LUC7L2: variants seen among roughly 807,000 people sequenced by gnomAD.
The protein encoded by LUC7L2 is LUC7 like 2, pre-mRNA splicing factor.
In LUC7L2, 25 loss-of-function variants were observed where a neutral mutation model predicts 52.8. The observed-to-expected ratio is 0.47, with a 90% CI of 0.34 to 0.66. The LOEUF (loss-of-function observed/expected upper bound fraction) is 0.66. LUC7L2 is among the 30% of genes least tolerant of loss of function. The probability of loss-of-function intolerance (pLI) is 0.01; values close to 1 mark genes in which losing one functional copy is unlikely to be tolerated. For missense variants in LUC7L2, 328 were observed against 497.8 expected, an observed-to-expected ratio of 0.66 and a Z score of 3.25; for synonymous variants, 144 against 160.9, an observed-to-expected ratio of 0.89 and a Z score of 0.80.
Position 139,391,609 on chromosome 7 carries a change from G to T in LUC7L2, c.157-6990G>T, listed in dbSNP as rs536381655. On this transcript the variant is annotated intron_variant, in intron 2 of 9. Transcript: ENST00000354926. ...TGGCTTCTTTTTTTTTGGTGGGGGG[G>T]ACAGGGTCTCAGTCTGTCACCCAGG... is the stretch of plus-strand genomic sequence containing the variant. 2.0e-5 allele frequency among the ~76,000 whole-genome samples: 3 copies of T among 151,878 alleles called. No homozygotes were observed. In the South Asian group the frequency reaches 6.2e-4, roughly 32 times the overall value.
At chr7:139,420,815 T>TTGAGA (rs1795869631) in intron 9 of LUC7L2, among the ~76,000 whole-genome samples, 1 of 152,126 alleles carries the variant, frequency 6.6e-6, no homozygotes, top group Admixed American at 6.5e-5. Context: ...TTTGTTGTTG[T>TTGAGA]TGAGATGGAG....
intron 1 of LUC7L2, among the ~76,000 whole-genome samples, chr7:139,350,185 G>C (rs1032497850): frequency 6.6e-6 from 1 of 151,730 alleles, no homozygotes; most frequent in Non-Finnish European, 1.5e-5. Context: ...GCAGTGGCGC[G>C]ATCTCTGCTC....
intron 1 of LUC7L2, chr7:139,371,494 G>A (rs1468376655): frequency 6.5e-6 from 9 of 1,374,952 alleles, no homozygotes; most frequent in Non-Finnish European, 7.7e-6. Flanking sequence ...TTTTAAAATA[G>A]CACCTAAATC....
chr7:139,372,157 A>G (rs1310751972), intron 1 of LUC7L2, among the ~76,000 whole-genome samples: 1 of 152,186 alleles, frequency 6.6e-6, no homozygotes, highest in African/African-American at 2.4e-5. Flanking sequence ...AGGTTATAGG[A>G]CAGAGAGATC....
Position 139,417,533 on chromosome 7 carries a change from G to A in LUC7L2, c.810-5G>A. 1 of 1,607,450 alleles carries A rather than the reference G, an allele frequency of 6.2e-7. No individual in the cohort carries two copies. ...GTAGAAACAAAATCAAATCTTGTCT[G>A]GTAGATCCAGGTCCAGAGAGCATCG... On this transcript the variant is annotated splice_region_variant and splice_polypyrimidine_tract_variant and intron_variant, in intron 8 of 9. Transcript: ENST00000354926.
At chr7:139,405,555 C>A in intron 4 of LUC7L2, 89 bp from the exon 5 acceptor site, 1 of 1,440,384 alleles carries the variant, frequency 6.9e-7, no homozygotes, top group Non-Finnish European at 9.2e-7. Flanking sequence ...CCTTAGATAA[C>A]AAGTTTTTTC....
upstream of LUC7L2, chr7:139,359,421 A>C: frequency 6.1e-6 from 1 of 163,992 alleles, no homozygotes; most frequent in Non-Finnish European, 1.3e-5. Context: ...CGGCGGCGAG[A>C]CAGGCCTGCT....
intron 1 of LUC7L2, among the ~76,000 whole-genome samples, chr7:139,370,009 G>A (rs746375615): frequency 2.0e-5 from 3 of 151,746 alleles, no homozygotes; most frequent in Non-Finnish European, 4.4e-5. Context: ...GTTTTTTCCC[G>A]TTGCCATCTT....
intron 1 of LUC7L2, chr7:139,374,719 G>A: frequency 7.7e-7 from 1 of 1,300,996 alleles, no homozygotes; most frequent in Non-Finnish European, 9.8e-7. Context: ...TACCCTGGTT[G>A]CAAATTAGAA....
intron 8 of LUC7L2, 174 bp downstream of exon 8, chr7:139,412,754 G>A: frequency 1.5e-6 from 1 of 649,314 alleles, no homozygotes; most frequent in Non-Finnish European, 2.3e-6. Context: ...GAAGCCGGGA[G>A]GCAGAGGTTG....
intron 1 of LUC7L2, among the ~76,000 whole-genome samples, chr7:139,367,438 A>G (rs116591076): frequency 0.011 from 1,636 of 152,358 alleles, 33 homozygotes; most frequent in African/African-American, 0.038. Context: ...CTTGTCACTT[A>G]GGGTTCCTGT....
At position 139,408,243 on chromosome 7, in the gene LUC7L2, A is replaced by T. The variant is rs891442495; in HGVS notation, c.687+893A>T. Among the ~76,000 whole-genome samples, 5 of 152,312 alleles carry T rather than the reference A, an allele frequency of 3.3e-5. 2 individuals carry two copies. In the South Asian group the frequency reaches 1.0e-3, roughly 32 times the overall value. ...CTAGGGTGATCTCAAGTAATTTTTT[A>T]AAAATTTCGAAAAGAGTCACTATAG... On this transcript the variant is annotated intron_variant, in intron 6 of 9. Transcript: ENST00000354926.
At chr7:139,371,867 G>C (rs1249277157) in intron 1 of LUC7L2, among the ~76,000 whole-genome samples, 1 of 152,186 alleles carries the variant, frequency 6.6e-6, no homozygotes, top group Non-Finnish European at 1.5e-5. Flanking sequence ...ATTGGTGACA[G>C]ACCTGGAGAT....
intron 1 of LUC7L2, among the ~76,000 whole-genome samples, chr7:139,352,229 C>T (rs955812028): frequency 2.0e-5 from 3 of 150,862 alleles, no homozygotes; most frequent in Admixed American, 2.0e-4. Flanking sequence ...GTGGTCCACA[C>T]CTTTAATCCC....
intron 2 of LUC7L2, among the ~76,000 whole-genome samples, chr7:139,383,361 G>A (rs889457149): frequency 2.0e-5 from 3 of 151,754 alleles, no homozygotes; most frequent in Non-Finnish European, 2.9e-5. Context: ...CAGGTGATCC[G>A]CCCATCTCGG....
At chr7:139,376,623 T>C (rs886776349) in intron 2 of LUC7L2, among the ~76,000 whole-genome samples, 10 of 152,296 alleles carry the variant, frequency 6.6e-5, no homozygotes, top group Admixed American at 1.3e-4. Flanking sequence ...AAAATATTGC[T>C]CCTGCTAATA....
chr7:139,350,083 G>T (rs1414483543), intron 1 of LUC7L2, among the ~76,000 whole-genome samples: 1 of 152,002 alleles, frequency 6.6e-6, no homozygotes, highest in African/African-American at 2.4e-5. Context: ...GTCTTTTGAG[G>T]CAGCTTCTTT....
intron 2 of LUC7L2, among the ~76,000 whole-genome samples, chr7:139,393,501 G>T (rs959582239): frequency 6.6e-6 from 1 of 152,152 alleles, no homozygotes; most frequent in South Asian, 2.1e-4. Flanking sequence ...TCCCGGGCTG[G>T]AGTGCACGAT....
intron 8 of LUC7L2, 114 bp downstream of exon 8, chr7:139,412,694 G>A (rs1327594506): frequency 2.4e-6 from 3 of 1,259,092 alleles, no homozygotes; most frequent in Admixed American, 2.5e-5. Context: ...TGGGCACGGT[G>A]ATGCATGCTT....
Sources: gnomAD v4.1 joint callset for allele counts (sites outside exome capture counted in the v4.1 genomes callset) on GRCh38, gnomAD v4.1.1 for gene constraint, MANE v1.5 for transcripts, NCBI Gene and HGNC (gene_info 2026-07-23, HGNC 2026-07-21) for gene names.